The following PRKACB variants were observed in gnomAD, a reference collection of about 807,000 sequenced individuals.
PRKACB encodes cAMP-dependent protein kinase catalytic subunit beta.
A neutral mutation model predicts 51.4 loss-of-function variants in PRKACB; 16 were observed. That is an observed-to-expected ratio of 0.31 (90% CI 0.21 to 0.47). The LOEUF (loss-of-function observed/expected upper bound fraction) is 0.47. Ranked by LOEUF, PRKACB falls within the 20% of genes least tolerant of loss-of-function variation. The pLI, the probability that PRKACB is intolerant of heterozygous loss-of-function variation, is 1.00. For missense variants in PRKACB, 309 were observed against 464.5 expected (o/e 0.67, Z 3.08); for synonymous variants, 147 against 154.4 (o/e 0.95, Z 0.35).
chr1:84,098,493 G>C (rs1296002618), intron 1 of PRKACB, among the ~76,000 whole-genome samples: 1 of 152,060 alleles, frequency 6.6e-6, no homozygotes, highest in African/African-American at 2.4e-5. Context: ...TCTCAGAGCA[G>C]TAGAAAGCAA....
chr1:84,114,252 A>C (rs1650455392), intron 1 of PRKACB, among the ~76,000 whole-genome samples: 2 of 152,224 alleles, frequency 1.3e-5, no homozygotes, highest in Non-Finnish European at 2.9e-5. Context: ...TGAAAAAAGT[A>C]ATTTTCAAAA....
chr1:84,135,905 A>T (rs1652756189), intron 1 of PRKACB, among the ~76,000 whole-genome samples: 1 of 152,080 alleles, frequency 6.6e-6, no homozygotes, highest in South Asian at 2.1e-4. Context: ...AAAAGAAATA[A>T]TAAAAATTAG....
intron 1 of PRKACB, among the ~76,000 whole-genome samples, chr1:84,096,016 G>A (rs1241187630): frequency 6.6e-6 from 1 of 151,958 alleles, no homozygotes; most frequent in Non-Finnish European, 1.5e-5. Context: ...ATCTTTAATT[G>A]AATGTATTTT....
chr1:84,088,906 G>A (rs1238020683), intron 1 of PRKACB, among the ~76,000 whole-genome samples: 1 of 152,180 alleles, frequency 6.6e-6, no homozygotes, highest in Non-Finnish European at 1.5e-5. Context: ...ATACTAGGGT[G>A]AAAATGTAGC....
At chr1:84,116,297 T>A (rs1005169196) in intron 1 of PRKACB, among the ~76,000 whole-genome samples, 2 of 152,200 alleles carry the variant, frequency 1.3e-5, no homozygotes, top group Non-Finnish European at 2.9e-5. Context: ...AGCTTCGTTC[T>A]TTTTGCTCAG....
chr1:84,103,833 T>G (rs931024962), intron 1 of PRKACB, among the ~76,000 whole-genome samples: 3 of 152,354 alleles, frequency 2.0e-5, no homozygotes, highest in African/African-American at 7.2e-5. Context: ...TCCCCTTCCC[T>G]TTTATTTTTA....
chr1:84,215,285 A>C (rs1218440084), intron 9 of PRKACB, among the ~76,000 whole-genome samples: 2 of 152,192 alleles, frequency 1.3e-5, no homozygotes, highest in Admixed American at 1.3e-4. Context: ...TATGTTAGGT[A>C]TTCTGCAAGG....
upstream of PRKACB, among the ~76,000 whole-genome samples, chr1:84,141,597 A>C (rs1048279570): frequency 2.2e-4 from 34 of 152,228 alleles, no homozygotes; most frequent in African/African-American, 7.7e-4. Flanking sequence ...CATCTAGTGA[A>C]GTTTACTCTT....
chr1:84,217,088 C>T (rs918956192), intron 9 of PRKACB, among the ~76,000 whole-genome samples: 1 of 152,100 alleles, frequency 6.6e-6, no homozygotes, highest in African/African-American at 2.4e-5. Context: ...CATGAACAAA[C>T]GATTTAACCT....
chr1:84,234,839 G>A (rs1021680005), intron 9 of PRKACB, among the ~76,000 whole-genome samples: 2 of 152,148 alleles, frequency 1.3e-5, no homozygotes, highest in South Asian at 2.1e-4. Context: ...AGATGAACCT[G>A]GTACCTCAGA....
intron 1 of PRKACB, among the ~76,000 whole-genome samples, chr1:84,101,487 TG>T (rs1289872695): frequency 3.9e-5 from 6 of 152,054 alleles, no homozygotes; most frequent in South Asian, 2.1e-4. Context: ...CTGACAGGTT[TG>T]GGGGTTGGTG....
At chr1:84,138,753 T>G (rs1488925882) in intron 1 of PRKACB, among the ~76,000 whole-genome samples, 1 of 152,142 alleles carries the variant, frequency 6.6e-6, no homozygotes, top group Non-Finnish European at 1.5e-5. Context: ...AAGCAATGTA[T>G]CTTTATGAAC....
chr1:84,220,214 A>G (rs1673496045), intron 9 of PRKACB, among the ~76,000 whole-genome samples: 1 of 151,728 alleles, frequency 6.6e-6, no homozygotes, highest in Admixed American at 6.6e-5. Flanking sequence ...ATTTTTTTGT[A>G]GCTATTATAA....
intron 5 of PRKACB, among the ~76,000 whole-genome samples, chr1:84,192,458 A>C (rs1184678280): frequency 6.6e-6 from 1 of 151,714 alleles, no homozygotes. Flanking sequence ...AAACAGCATG[A>C]AAATCACAAT....
chr1:84,118,354 G>T (rs921468240), intron 1 of PRKACB, among the ~76,000 whole-genome samples: 2 of 151,990 alleles, frequency 1.3e-5, no homozygotes, highest in African/African-American at 4.8e-5. Flanking sequence ...GGAGAGAGCA[G>T]GTGTCTCACA....
At chr1:84,227,111 G>A (rs78848948) in intron 9 of PRKACB, among the ~76,000 whole-genome samples, 4,157 of 152,042 alleles carry the variant, frequency 0.027, 202 homozygotes, top group African/African-American at 0.094. Context: ...AGTTTTATTA[G>A]TCTACAGTTT....
rs565903497 is a variant in PRKACB at position 84,107,397 on chromosome 1, A to G, written c.46+29026A>G. Reference sequence around the variant, plus strand: ...CTGTAAAGCCCATGGAAGATAACCTAGGAAATACCATTTTGGACATAAGAA... The same window carrying G: ...CTGTAAAGCCCATGGAAGATAACCTGGGAAATACCATTTTGGACATAAGAA... On this transcript the variant is annotated intron_variant, in intron 1 of 8. Transcript: ENST00000370688. 5.6e-4 allele frequency among the ~76,000 whole-genome samples: 86 copies of G among 152,246 alleles called. 1 individual carries two copies. The South Asian group carries it at 0.017, about 30-fold the overall frequency.
chr1:84,193,039 C>T (rs1667241064), intron 5 of PRKACB, among the ~76,000 whole-genome samples: 1 of 152,042 alleles, frequency 6.6e-6, no homozygotes, highest in Non-Finnish European at 1.5e-5. Flanking sequence ...TCTCCTCATC[C>T]AAACCTCAAA....
chr1:84,224,984 T>C (rs1674334432), intron 9 of PRKACB, among the ~76,000 whole-genome samples: 1 of 152,166 alleles, frequency 6.6e-6, no homozygotes, highest in Non-Finnish European at 1.5e-5. Flanking sequence ...CCTGAGTCTT[T>C]CGTCATGCTT....
Sources: allele counts gnomAD v4.1 joint callset (sites outside exome capture counted in the v4.1 genomes callset), GRCh38; gene constraint gnomAD v4.1.1; transcripts MANE v1.5; gene names NCBI Gene and HGNC (gene_info 2026-07-23, HGNC 2026-07-21).